The following ACSL3 variants were observed in gnomAD, a reference collection of about 807,000 sequenced individuals.
ACSL3 encodes acyl-CoA synthetase long chain family member 3.
Under a neutral mutation model 84.7 loss-of-function variants are expected in ACSL3, and 34 were observed. The observed-to-expected ratio is 0.40, with a 90% confidence interval of 0.31 to 0.53. ACSL3 has a LOEUF of 0.53. Among genes scored for constraint, ACSL3 ranks in the 20% least tolerant of loss-of-function variants. The pLI, the probability that ACSL3 is intolerant of heterozygous loss-of-function variation, is 0.48. For missense variants in ACSL3, 680 were observed against 873.1 expected (o/e 0.78, Z 2.79); for synonymous variants, 315 against 299.4 (o/e 1.05, Z -0.54).
Position 222,918,079 on chromosome 2 carries a change from C to G in ACSL3, c.590C>G (p.Ala197Gly). The G allele has an allele frequency of 6.2e-7, 1 of 1,612,158 alleles. No homozygotes were observed. The change falls in exon 6 of 17, where the codon GCC (alanine) becomes GGC (glycine). Residue 197 changes from alanine (A) to glycine (G), a missense_variant. Physicochemically the swap from Ala to Gly is moderately conservative, Grantham distance 60. Transcript: ENST00000357430. The part of the protein sequence containing the change: ...VTLYATLGGP[A>G]IVHALNETEV... ...TTATATGCCACTCTAGGAGGTCCAG[C>G]CATTGTTCATGCATTAAATGAAACA...
chr2:222,941,470 TC>T (rs770625080), intron 16 of ACSL3, 26 bp from the exon 17 acceptor site: 25 of 1,316,706 alleles, frequency 1.9e-5, no homozygotes, highest in Non-Finnish European at 2.4e-5. Flanking sequence ...TACCTTTTCT[TC>T]TTTTCTTTTT....
At chr2:222,876,244 T>A (rs891552625) in intron 1 of ACSL3, among the ~76,000 whole-genome samples, 1 of 152,218 alleles carries the variant, frequency 6.6e-6, no homozygotes, top group African/African-American at 2.4e-5. Context: ...TTCCCTACCC[T>A]CATGTGGGAT....
At chr2:222,928,036 A>G (rs1336042800) in intron 12 of ACSL3, among the ~76,000 whole-genome samples, 1 of 152,210 alleles carries the variant, frequency 6.6e-6, no homozygotes. Context: ...TTCTATTTTT[A>G]AGATTCAAAT....
Position 222,866,326 on chromosome 2 carries a change from C to T in ACSL3, c.-207+5068C>T, listed in dbSNP as rs538728817. The stretch of plus-strand genomic sequence containing the variant: ...ATGCCCGGCTAATTTTTTGTATTTT[C>T]GGTAGAGATGGGGTTTCACCATGTT... On this transcript the variant is annotated intron_variant, in intron 1 of 16. Coordinates refer to ENST00000357430, the MANE Select transcript of ACSL3 (RefSeq NM_004457.5). Among the ~76,000 whole-genome samples the T allele has an allele frequency of 3.2e-3, 483 of 151,980 alleles. 3 individuals are homozygous for T. Among genetic ancestry groups the T allele is most frequent in the African/African-American group, 0.011 (459 of 41,472 alleles).
rs1293510251 is a variant in ACSL3, at chr2:222,927,092, T to C, written c.1368T>C (p.Ser456=). ...TGTTGTGTGGTGGCGCTCCACTTTC[T>C]GCAACCACGCAGCGATTCATGAACA... ...RLLLCGGAPL[S]ATTQRFMNIC... is the part of the protein sequence containing the mutation. Residue 456 remains serine (S), a synonymous_variant, in exon 12 of 17, where the codon TCT becomes TCC. Transcript: ENST00000357430. 6.2e-7 allele frequency: 1 copy of C among 1,614,172 alleles called. No individual in the cohort carries two copies.
chr2:222,869,464 A>G (rs938195682), intron 1 of ACSL3, among the ~76,000 whole-genome samples: 4 of 152,196 alleles, frequency 2.6e-5, no homozygotes, highest in African/African-American at 9.7e-5. Context: ...AAATGGTAAC[A>G]AGACATTCTG....
intron 1 of ACSL3, among the ~76,000 whole-genome samples, chr2:222,862,360 G>A (rs1227724259): frequency 1.3e-5 from 2 of 152,256 alleles, no homozygotes; most frequent in African/African-American, 2.4e-5. Flanking sequence ...TGAAATCTAA[G>A]CACTATATTT....
chr2:222,914,482 G>A (rs1185513333), intron 4 of ACSL3, among the ~76,000 whole-genome samples: 3 of 152,036 alleles, frequency 2.0e-5, no homozygotes, highest in African/African-American at 2.4e-5. Context: ...GGCTGGTCTC[G>A]AATTCCTGGC....
chr2:222,937,700 A>G (rs898537962), intron 16 of ACSL3, among the ~76,000 whole-genome samples: 2 of 152,046 alleles, frequency 1.3e-5, no homozygotes. Flanking sequence ...GATCTAATGT[A>G]TGTTTCTTGT....
chr2:222,877,167 TG>T (rs984586323), intron 1 of ACSL3, among the ~76,000 whole-genome samples: 2 of 152,048 alleles, frequency 1.3e-5, no homozygotes, highest in Admixed American at 1.3e-4. Flanking sequence ...AGAAAGATGG[TG>T]GAGAGCTCAA....
chr2:222,868,838 C>T lies in ACSL3; in HGVS notation c.-207+7580C>T, dbSNP rs369823975. Among the ~76,000 whole-genome samples, 12 of 151,908 alleles carry T rather than the reference C, an allele frequency of 7.9e-5. 1 individual carries two copies. Among genetic ancestry groups the T allele is most frequent in the Middle Eastern group, 3.4e-3 (1 of 294 alleles). ...AATACAAATTAGCTGGGTGTGGTAGCGGGTGCCTGTAATCCCAGCTACTTG... is the reference window on the plus strand; with the variant it reads ...AATACAAATTAGCTGGGTGTGGTAGTGGGTGCCTGTAATCCCAGCTACTTG... On this transcript the variant is annotated intron_variant, in intron 1 of 16. Transcript: ENST00000357430.
intron 1 of ACSL3, among the ~76,000 whole-genome samples, chr2:222,863,752 G>T (rs1193777090): frequency 6.6e-6 from 1 of 152,118 alleles, no homozygotes; most frequent in Admixed American, 6.5e-5. Flanking sequence ...TTTTTTGATG[G>T]CTGGATTGGG....
At position 222,876,402 on chromosome 2, in the gene ACSL3, G is replaced by A. The variant is rs546810883; in HGVS notation, c.-206-11428G>A. On this transcript the variant is annotated intron_variant, in intron 1 of 16. Coordinates refer to ENST00000357430, the MANE Select transcript of ACSL3 (RefSeq NM_004457.5). ...CATGGCACAATCATGGCTCACTGCAGCCTCAACTTCCCCAGCTCAAGTGAT... is the reference window on the plus strand; with the variant it reads ...CATGGCACAATCATGGCTCACTGCAACCTCAACTTCCCCAGCTCAAGTGAT... Among the ~76,000 whole-genome samples the A allele has an allele frequency of 1.6e-4, 24 of 152,170 alleles. No individual in the cohort carries two copies. The South Asian group carries it at 5.0e-3, about 32-fold the overall frequency.
chr2:222,893,358 G>A lies in ACSL3; in HGVS notation c.-148+5470G>A, dbSNP rs371054336. Among the ~76,000 whole-genome samples, 18 of 152,096 alleles carry A rather than the reference G, an allele frequency of 1.2e-4. No individual in the cohort carries two copies. In the South Asian group the frequency reaches 3.7e-3, roughly 32 times the overall value. On this transcript the variant is annotated intron_variant, in intron 2 of 16. Coordinates refer to ENST00000357430, the MANE Select transcript of ACSL3 (RefSeq NM_004457.5). ...AAATGTCTGCTTGCTCTGTCAGTAG[G>A]GTGTGAATATAATACCATTGTTGAC...
intron 1 of ACSL3, among the ~76,000 whole-genome samples, chr2:222,883,920 C>A (rs1476815330): frequency 6.6e-6 from 1 of 151,984 alleles, no homozygotes; most frequent in Non-Finnish European, 1.5e-5. Context: ...TATTTTTATT[C>A]CTTCTGTTAA....
chr2:222,921,269 C>T lies in ACSL3; in HGVS notation c.806-11C>T. 6.3e-7 allele frequency: 1 copy of T among 1,586,116 alleles called. No homozygotes were observed. Among genetic ancestry groups the T allele is most frequent in the African/African-American group, 1.3e-5 (1 of 74,434 alleles). On this transcript the variant is annotated splice_polypyrimidine_tract_variant and intron_variant, in intron 7 of 16. Transcript: ENST00000357430. ...GAAAGTGTATGTGTGTGTTTTTTCT[C>T]TTCAATGCAGAAAACCAACCTCATA... is the stretch of plus-strand genomic sequence containing the variant.
intron 7 of ACSL3, among the ~76,000 whole-genome samples, chr2:222,919,528 A>G (rs907585019): frequency 7.2e-5 from 11 of 152,138 alleles, no homozygotes; most frequent in African/African-American, 2.7e-4. Flanking sequence ...ATCTTGTCCT[A>G]TGTGAATTAC....
At chr2:222,925,030 C>CAAAA (rs55727337) in intron 11 of ACSL3, among the ~76,000 whole-genome samples, 9 of 137,256 alleles carry the variant, frequency 6.6e-5, no homozygotes, top group Non-Finnish European at 1.3e-4. Flanking sequence ...GAATCCGTCT[C>CAAAA]AAAAAAAAAA....
intron 4 of ACSL3, among the ~76,000 whole-genome samples, chr2:222,913,773 C>T (rs1011052719): frequency 6.6e-6 from 1 of 152,116 alleles, no homozygotes; most frequent in African/African-American, 2.4e-5. Flanking sequence ...ATATTCTAGT[C>T]CCATTACTTA....
Sources: allele counts gnomAD v4.1 joint callset (sites outside exome capture counted in the v4.1 genomes callset), GRCh38; gene constraint gnomAD v4.1.1; transcripts MANE v1.5; gene names NCBI Gene and HGNC (gene_info 2026-07-23, HGNC 2026-07-21).